PARP14: variants seen among roughly 807,000 people sequenced by gnomAD.
PARP14 encodes protein mono-ADP-ribosyltransferase PARP14.
PARP14 carries 59 observed loss-of-function variants against 154.2 expected under a neutral mutation model. The ratio of observed to expected loss-of-function variants is 0.38; its 90% confidence interval spans 0.31 to 0.48. PARP14 has a LOEUF of 0.48. Among genes scored for constraint, PARP14 ranks in the 20% least tolerant of loss-of-function variants. The probability of loss-of-function intolerance (pLI) is 0.98; values close to 1 mark genes in which losing one functional copy is unlikely to be tolerated. For synonymous variants in PARP14, 720 were observed against 780.5 expected (o/e 0.92, Z 1.29); for missense variants, 1,734 against 2,131.6 (o/e 0.81, Z 3.67).
rs56863397 is a variant in PARP14, at chr3:122,715,595, CATCTATCTATCTATCT to C, written c.4000+1210_4000+1225del. ...ATTTCTCCTATCTCTCTCTACCAGT[CATCTATCTATCTATCT>C]ATCTATCTATCTATCTATCTATCTA... On this transcript the variant is annotated intron_variant, in intron 12 of 16. Coordinates refer to ENST00000474629, the MANE Select transcript of PARP14 (RefSeq NM_017554.3). Among the ~76,000 whole-genome samples the C allele has an allele frequency of 5.8e-3, 834 of 142,580 alleles. 7 individuals carry two copies. Among genetic ancestry groups the C allele is most frequent in the East Asian group, 0.021 (100 of 4,692 alleles). The allele number at this position is 142,580 out of a possible 152,430, so 93.5% of individuals were successfully genotyped here.
intron 11 of PARP14, 113 bp from the exon 12 acceptor site, chr3:122,714,146 CAGG>C: frequency 1.1e-6 from 1 of 884,560 alleles, no homozygotes; most frequent in Non-Finnish European, 1.7e-6. Flanking sequence ...GATAGTATTT[CAGG>C]AGTTTTTTTT....
At chr3:122,689,294 C>T (rs1938469122) in intron 3 of PARP14, among the ~76,000 whole-genome samples, 1 of 152,208 alleles carries the variant, frequency 6.6e-6, no homozygotes, top group African/African-American at 2.4e-5. Flanking sequence ...ACTCCTTTCA[C>T]ATCTGCTGAT....
chr3:122,704,552 G>A lies in PARP14; in HGVS notation c.3344G>A (p.Cys1115Tyr). ...LKIMEDIIRE[C>Y]MEITESLSLK... Reference sequence around the variant, plus strand: ...ATAATGGAAGACATAATCAGAGAATGTATGGAGATCACTGAGAGCTTGTCC... The same window carrying A: ...ATAATGGAAGACATAATCAGAGAATATATGGAGATCACTGAGAGCTTGTCC... Residue 1115 changes from cysteine (C) to tyrosine (Y), a missense_variant, in exon 8 of 17, where the codon TGT becomes TAT. Around this residue, in one of 2 missense-constraint regions of PARP14, gnomAD observed 1,646 missense variants for 1,976.0 expected, o/e 0.83. Coordinates refer to ENST00000474629, the MANE Select transcript of PARP14 (RefSeq NM_017554.3). 1 of 1,602,030 alleles carries A rather than the reference G, an allele frequency of 6.2e-7. No homozygotes were observed. The highest frequency in any genetic ancestry group is 8.5e-7 in the Non-Finnish European group (1 of 1,171,870).
intron 8 of PARP14, among the ~76,000 whole-genome samples, chr3:122,705,378 T>C (rs1939122400): frequency 6.6e-6 from 1 of 152,240 alleles, no homozygotes; most frequent in Admixed American, 6.5e-5. Flanking sequence ...ATAGAAATTT[T>C]AATACATAGT....
chr3:122,691,174 A>G (rs1938528676), intron 3 of PARP14, among the ~76,000 whole-genome samples: 1 of 152,222 alleles, frequency 6.6e-6, no homozygotes. Context: ...ACATTTACAC[A>G]TGTCATTTTC....
intron 6 of PARP14, among the ~76,000 whole-genome samples, chr3:122,702,890 T>C (rs924331747): frequency 9.3e-5 from 14 of 151,048 alleles, no homozygotes; most frequent in African/African-American, 3.4e-4. Context: ...CTCGGAATGC[T>C]GAGGTGGGAG....
In PARP14 at chr3:122,704,143, C is replaced by G. The variant is rs764698842; in HGVS notation, c.3318+165C>G. On this transcript the variant is annotated intron_variant, in intron 7 of 16. Coordinates refer to ENST00000474629, the MANE Select transcript of PARP14 (RefSeq NM_017554.3). ...GGCCATTTCTTTCAGCTGTAGCTGA[C>G]TTCTCCTGAGGACTAGTTAATACTA... Among the ~76,000 whole-genome samples the G allele has an allele frequency of 3.9e-4, 60 of 152,200 alleles. 1 individual carries two copies. Among genetic ancestry groups the G allele is most frequent in the Non-Finnish European group, 5.3e-4 (36 of 68,024 alleles).
At chr3:122,704,814 T>C in intron 8 of PARP14, 66 bp downstream of exon 8, 1 of 855,050 alleles carries the variant, frequency 1.2e-6, no homozygotes, top group Non-Finnish European at 1.8e-6. Context: ...AATGTCTTTT[T>C]GGTCTAACAG....
At chr3:122,725,513 C>T (rs1287910345) in intron 15 of PARP14, among the ~76,000 whole-genome samples, 1 of 152,202 alleles carries the variant, frequency 6.6e-6, no homozygotes, top group East Asian at 1.9e-4. Flanking sequence ...TACATTCTTA[C>T]TTGTTTCATC....
At chr3:122,707,971 G>A (rs933295608) in intron 8 of PARP14, among the ~76,000 whole-genome samples, 8 of 152,050 alleles carry the variant, frequency 5.3e-5, no homozygotes, top group Non-Finnish European at 8.8e-5. Flanking sequence ...TATCCACATC[G>A]TTGTCCACAT....
At chr3:122,683,215 A>G (rs1227943063) in intron 1 of PARP14, 1 of 698,718 alleles carries the variant, frequency 1.4e-6, no homozygotes, top group Admixed American at 6.3e-5. Context: ...TTTGCTAACA[A>G]TGAATGACCT....
At chr3:122,720,101 T>G (rs1176527735) in intron 14 of PARP14, among the ~76,000 whole-genome samples, 154 bp from the exon 15 acceptor site, 1 of 152,270 alleles carries the variant, frequency 6.6e-6, no homozygotes, top group African/African-American at 2.4e-5. Flanking sequence ...ATGTAGGTTG[T>G]CTGTTGTTCA....
chr3:122,713,149 G>C (rs1458929826), intron 9 of PARP14, among the ~76,000 whole-genome samples: 1 of 152,192 alleles, frequency 6.6e-6, no homozygotes, highest in Non-Finnish European at 1.5e-5. Context: ...TATTTGTCCT[G>C]TTTTTAGTTG....
At chr3:122,719,327 A>T (rs1255664439) in intron 14 of PARP14, among the ~76,000 whole-genome samples, 4 of 152,234 alleles carry the variant, frequency 2.6e-5, no homozygotes, top group Non-Finnish European at 5.9e-5. Context: ...TTCTAGAACA[A>T]AAAAGGCCAA....
In PARP14 at chr3:122,701,610, T is replaced by C. The variant is rs1318215345; in HGVS notation, c.3056T>C (p.Val1019Ala). 1 of 1,599,750 alleles carries C rather than the reference T, an allele frequency of 6.3e-7. No homozygotes were observed. The highest frequency in any genetic ancestry group is 8.5e-7 in the Non-Finnish European group (1 of 1,172,942). The stretch of plus-strand genomic sequence containing the variant: ...CCGGGAGGCCTGCAGATGCTGTTGG[T>C]GAAAGAGGGTGTGCAGAATGCTAAG... ...VSPGGLQMLL[V>A]KEGVQNAKTD... is the part of the protein sequence containing the mutation. The change falls in exon 6 of 17, where the codon GTG becomes GCG. Residue 1019 changes from valine (V) to alanine (A), a missense_variant. Physicochemically the swap from Val to Ala is moderately conservative, Grantham distance 64 (BLOSUM62 0). Transcript: ENST00000474629. The surrounding 1 kb of genome is among the most constrained non-coding windows in gnomAD (Gnocchi z 4.0).
chr3:122,697,736 A>T (rs1274911447), intron 5 of PARP14, among the ~76,000 whole-genome samples: 1 of 152,244 alleles, frequency 6.6e-6, no homozygotes, highest in Non-Finnish European at 1.5e-5. Context: ...TTGAACACCT[A>T]TGTCTGTAAG....
In PARP14 at chr3:122,680,932, C is replaced by T; in HGVS notation, c.49C>T (p.Pro17Ser). The change falls in exon 1 of 17, where the codon CCC becomes TCC. Residue 17 changes from proline (P) to serine (S), a missense_variant. Coordinates refer to ENST00000474629, the MANE Select transcript of PARP14 (RefSeq NM_017554.3). ...GCTGCTGGTCGAGGGCTCCTGGGGCCCCGACCCCCCGAAGAACTTGAACAC... is the reference window on the plus strand; with the variant it reads ...GCTGCTGGTCGAGGGCTCCTGGGGCTCCGACCCCCCGAAGAACTTGAACAC... ...FPLLVEGSWG[P>S]DPPKNLNTKL... The T allele has an allele frequency of 1.2e-6, 2 of 1,612,732 alleles. No individual in the cohort carries two copies. The highest frequency in any genetic ancestry group is 2.2e-5 in the South Asian group (2 of 90,876).
intron 8 of PARP14, 55 bp from the exon 9 acceptor site, chr3:122,708,135 C>A: frequency 2.2e-6 from 2 of 927,508 alleles, no homozygotes; most frequent in South Asian, 1.5e-5. Context: ...CCTGATGATT[C>A]CAATTTATTC....
intron 8 of PARP14, 134 bp downstream of exon 8, chr3:122,704,882 A>C (rs1185830200): frequency 1.6e-6 from 1 of 608,332 alleles, no homozygotes; most frequent in Non-Finnish European, 2.9e-6. Flanking sequence ...TTATACTTGT[A>C]GTTGTAGTTG....
Sources: allele counts gnomAD v4.1 joint callset (sites outside exome capture counted in the v4.1 genomes callset), GRCh38; gene constraint gnomAD v4.1.1; regional missense constraint gnomAD v4.1.1; non-coding constraint Gnocchi (gnomAD v3.1); transcripts MANE v1.5; gene names NCBI Gene and HGNC (gene_info 2026-07-23, HGNC 2026-07-21).